EPB41L2: variants seen among roughly 807,000 people sequenced by gnomAD.
EPB41L2 encodes the protein band 4.1-like protein 2.
In EPB41L2, 43 loss-of-function variants were observed where a neutral mutation model predicts 113.0. That is an observed-to-expected ratio of 0.38 (90% confidence interval 0.30 to 0.49). The LOEUF (loss-of-function observed/expected upper bound fraction) is 0.49. EPB41L2 is among the 20% of genes least tolerant of loss of function. The probability of loss-of-function intolerance (pLI) is 0.95; values close to 1 mark genes in which losing one functional copy is unlikely to be tolerated. For synonymous variants in EPB41L2, 442 were observed against 436.7 expected, an observed-to-expected ratio of 1.01 and a Z score of -0.15; for missense variants, 1,147 against 1,223.4, an observed-to-expected ratio of 0.94 and a Z score of 0.93.
At chr6:130,876,440 T>C (rs1368970289) in intron 14 of EPB41L2, among the ~76,000 whole-genome samples, 3 of 152,204 alleles carry the variant, frequency 2.0e-5, no homozygotes, top group Non-Finnish European at 2.9e-5. Flanking sequence ...CCTAAATTGG[T>C]TGATGTTTCT....
intron 1 of EPB41L2, among the ~76,000 whole-genome samples, chr6:131,053,694 C>T (rs559525356): frequency 5.3e-4 from 80 of 152,304 alleles, no homozygotes; most frequent in African/African-American, 1.9e-3. Flanking sequence ...CTTCAGCATT[C>T]CTTCTGGGTG....
intron 14 of EPB41L2, among the ~76,000 whole-genome samples, chr6:130,871,966 G>A (rs567816196): frequency 6.6e-6 from 1 of 152,298 alleles, no homozygotes; most frequent in South Asian, 2.1e-4. Context: ...ATGTCATGGA[G>A]CATGGGAGGC....
At position 130,895,156 on chromosome 6, in the gene EPB41L2, T is replaced by C. The variant is rs1344808456; in HGVS notation, c.1237-37A>G. 9.0e-6 allele frequency: 14 copies of C among 1,553,058 alleles called. No individual in the cohort carries two copies. In the East Asian group the frequency reaches 1.9e-4, roughly 21 times the overall value. ...AACCCAATTAACCATGGTTAAGAGCTGTGAAAGTTACACAAATCAAGAAGC... is the reference window on the plus strand; with the variant it reads ...AACCCAATTAACCATGGTTAAGAGCCGTGAAAGTTACACAAATCAAGAAGC... On this transcript the variant is annotated intron_variant, in intron 8 of 19. Coordinates refer to ENST00000337057, the MANE Select transcript of EPB41L2 (RefSeq NM_001431.4).
In EPB41L2 at chr6:131,055,515, C is replaced by T. The variant is rs76732857; in HGVS notation, c.-15+7640G>A. Among the ~76,000 whole-genome samples, 12 of 152,196 alleles carry T rather than the reference C, an allele frequency of 7.9e-5. No individual in the cohort carries two copies. In the East Asian group the frequency reaches 9.7e-4, roughly 12 times the overall value. On this transcript the variant is annotated intron_variant, in intron 1 of 19. Transcript: ENST00000337057. ...ACCTTTACACAAAAAACTACATGGG[C>T]GAACCCAGTCAGGAAAGCAATCCTG...
At chr6:130,953,456 G>C (rs1272867047) in intron 3 of EPB41L2, among the ~76,000 whole-genome samples, 1 of 152,064 alleles carries the variant, frequency 6.6e-6, no homozygotes, top group Non-Finnish European at 1.5e-5. Context: ...TCACAGGTGG[G>C]AATTGAACAA....
intron 8 of EPB41L2, 136 bp from the exon 9 acceptor site, chr6:130,895,255 G>T: frequency 4.3e-6 from 4 of 938,410 alleles, no homozygotes; most frequent in Non-Finnish European, 6.3e-6. Flanking sequence ...TGACAAGTAC[G>T]CACGTTAATG....
chr6:130,865,717 G>T, intron 16 of EPB41L2, 83 bp from the exon 17 acceptor site: 1 of 1,355,752 alleles, frequency 7.4e-7, no homozygotes, highest in Non-Finnish European at 1.0e-6. Context: ...CATCGAATAT[G>T]CATCTTTTAA....
At chr6:130,950,081 T>TA (rs1427590106) in intron 3 of EPB41L2, among the ~76,000 whole-genome samples, 1 of 152,172 alleles carries the variant, frequency 6.6e-6, no homozygotes, top group African/African-American at 2.4e-5. Context: ...AGAAGGCTGG[T>TA]ACCCCTAACT....
chr6:130,963,290 A>T (rs1305099755), intron 1 of EPB41L2, among the ~76,000 whole-genome samples: 1 of 152,240 alleles, frequency 6.6e-6, no homozygotes, highest in Non-Finnish European at 1.5e-5. Context: ...AACTGAGAGT[A>T]CATATAGATC....
chr6:130,915,257 C>A (rs1421192461), intron 4 of EPB41L2, among the ~76,000 whole-genome samples: 1 of 152,048 alleles, frequency 6.6e-6, no homozygotes, highest in African/African-American at 2.4e-5. Flanking sequence ...GAGCCGAGAT[C>A]CCGCCACTGC....
chr6:131,048,138 CAAAAAAAAA>C (rs200522047), intron 1 of EPB41L2, among the ~76,000 whole-genome samples: 1 of 53,038 alleles, frequency 1.9e-5, no homozygotes, highest in African/African-American at 5.6e-5. Flanking sequence ...GACTCTGTCT[CAAAAAAAAA>C]AAAAAAAAAA....
At chr6:131,000,612 C>T (rs1489667057) in intron 1 of EPB41L2, 2 of 152,200 alleles carry the variant, frequency 1.3e-5, no homozygotes, top group Non-Finnish European at 1.5e-5. Flanking sequence ...AAGGAAAAAT[C>T]GACTCACATT....
At chr6:130,894,178 TTTTC>T (rs1250837323) in intron 10 of EPB41L2, among the ~76,000 whole-genome samples, 162 bp downstream of exon 10, 1 of 152,148 alleles carries the variant, frequency 6.6e-6, no homozygotes, top group African/African-American at 2.4e-5. Context: ...TACCAAGCTG[TTTTC>T]TTTCTTTCTT....
At chr6:130,976,135 A>G (rs1374393323) in intron 1 of EPB41L2, among the ~76,000 whole-genome samples, 2 of 152,246 alleles carry the variant, frequency 1.3e-5, no homozygotes, top group African/African-American at 4.8e-5. Context: ...CTGAACAAAC[A>G]TGGACAGGAG....
At chr6:130,987,263 G>C (rs761384942) in intron 1 of EPB41L2, among the ~76,000 whole-genome samples, 1 of 152,106 alleles carries the variant, frequency 6.6e-6, no homozygotes, top group Non-Finnish European at 1.5e-5. Context: ...CTGCTGGATC[G>C]AATAATTACT....
intron 19 of EPB41L2, among the ~76,000 whole-genome samples, chr6:130,841,292 T>C (rs1258151311): frequency 5.3e-5 from 8 of 150,566 alleles, no homozygotes; most frequent in Non-Finnish European, 1.0e-4. Flanking sequence ...ACTACAATGG[T>C]CCAGGGCAGA....
intron 12 of EPB41L2, chr6:130,881,631 A>G (rs1789336786): frequency 1.3e-5 from 2 of 152,174 alleles, no homozygotes; most frequent in Non-Finnish European, 2.9e-5. Context: ...TATATTGTAC[A>G]TGTTAATGCT....
intron 1 of EPB41L2, among the ~76,000 whole-genome samples, chr6:130,967,855 T>TAGGGACAA (rs1438395581): frequency 3.3e-5 from 5 of 152,180 alleles, no homozygotes; most frequent in African/African-American, 9.7e-5. Context: ...ATGTTCCTAG[T>TAGGGACAA]ATTTAGGGAA....
chr6:130,976,794 G>A (rs191600028), intron 1 of EPB41L2, among the ~76,000 whole-genome samples: 2 of 152,296 alleles, frequency 1.3e-5, no homozygotes, highest in East Asian at 3.9e-4. Flanking sequence ...ACATTAAACT[G>A]TATTATTTTC....
Sources: allele counts gnomAD v4.1 joint callset (sites outside exome capture counted in the v4.1 genomes callset), GRCh38; gene constraint gnomAD v4.1.1; transcripts MANE v1.5; gene names NCBI Gene and HGNC (gene_info 2026-07-23, HGNC 2026-07-21).